DSCAML1: variants seen among roughly 807,000 people sequenced by gnomAD.
DSCAML1 encodes the protein DS cell adhesion molecule like 1, also known as cell adhesion molecule DSCAML1.
DSCAML1 carries 38 observed loss-of-function variants against 200.5 expected under a neutral mutation model. The ratio of observed to expected loss-of-function variants is 0.19; its 90% CI spans 0.15 to 0.25. The LOEUF (loss-of-function observed/expected upper bound fraction) is 0.25, where lower values mean the gene tolerates loss of function less well. DSCAML1 is among the 10% of genes least tolerant of loss of function. DSCAML1 has a pLI of 1.00. For synonymous variants in DSCAML1, 1,215 were observed against 1,165.0 expected (o/e 1.04, Z -0.87); for missense variants, 2,223 against 2,858.8 (o/e 0.78, Z 5.07).
rs546558315 is a variant in DSCAML1 at position 117,480,384 on chromosome 11, A to G, written c.2785+59T>C. ...TCTCCTCCCAGAGGGCACAGGCAGG[A>G]CACGTGGCACAAGGGGCCATGGCAG... is the stretch of plus-strand genomic sequence containing the variant. On this transcript the variant is annotated intron_variant, in intron 14 of 32. Coordinates refer to ENST00000651296, the MANE Select transcript of DSCAML1 (RefSeq NM_020693.4). The surrounding 1 kb of genome is among the most constrained non-coding windows in gnomAD (Gnocchi z 4.1). 94 of 1,603,234 alleles carry G rather than the reference A, an allele frequency of 5.9e-5. No individual in the cohort carries two copies. Among genetic ancestry groups the G allele is most frequent in the Non-Finnish European group, 7.8e-5 (92 of 1,174,754 alleles).
At chr11:117,582,658 G>C (rs2051063152) in intron 3 of DSCAML1, among the ~76,000 whole-genome samples, 1 of 152,194 alleles carries the variant, frequency 6.6e-6, no homozygotes, top group Non-Finnish European at 1.5e-5. Flanking sequence ...AGAGTGCCAG[G>C]CTGTAAGGGA....
At position 117,772,716 on chromosome 11, in the gene DSCAML1, G is replaced by T. The variant is rs148884060; in HGVS notation, c.511+4075C>A. Among the ~76,000 whole-genome samples, 4 of 152,350 alleles carry T rather than the reference G, an allele frequency of 2.6e-5. No individual in the cohort carries two copies. In the East Asian group the frequency reaches 7.7e-4, roughly 29 times the overall value. On this transcript the variant is annotated intron_variant, in intron 3 of 32. Coordinates refer to ENST00000651296, the MANE Select transcript of DSCAML1 (RefSeq NM_020693.4). ...CATGTATTGTAATGGTGATCATGCA[G>T]ATGGGAAATTAAACCACATCTCAGC...
At position 117,437,097 on chromosome 11, in the gene DSCAML1, C is replaced by T. The variant is rs745683209; in HGVS notation, c.4720+25G>A. 3.1e-6 allele frequency: 5 copies of T among 1,602,118 alleles called. No homozygotes were observed. The highest frequency in any genetic ancestry group is 2.2e-5 in the South Asian group (2 of 89,378). ...CACCACCCTGCTCCAGCCTCTGTAC[C>T]ATCCCTTCCACCCTTGCGACTCACT... On this transcript the variant is annotated intron_variant, in intron 26 of 32. Transcript: ENST00000651296. This position sits in a 1 kb window ranked among gnomAD's most constrained non-coding sequence, Gnocchi z 5.3.
At chr11:117,602,481 C>A (rs2051483913) in intron 3 of DSCAML1, among the ~76,000 whole-genome samples, 1 of 152,172 alleles carries the variant, frequency 6.6e-6, no homozygotes, top group African/African-American at 2.4e-5. Context: ...CCACCTCAGC[C>A]TCCGGAGTAG....
chr11:117,739,016 G>C (rs933876062), intron 3 of DSCAML1, among the ~76,000 whole-genome samples: 1 of 152,208 alleles, frequency 6.6e-6, no homozygotes, highest in South Asian at 2.1e-4. Flanking sequence ...AACAACACAT[G>C]TAGTTTGTAG....
rs915274989 is a variant in DSCAML1, at chr11:117,430,806, G to A, written c.5602C>T (p.Arg1868Cys). The part of the protein sequence containing the change: ...MSTPSEPGIC[R>C]FTASPPKPQD... Reference sequence around the variant, plus strand: ...GGCTTGGGTGGTGAGGCGGTAAAGCGGCAGATGCCAGGCTCTGAGGGTGTG... The same window carrying A: ...GGCTTGGGTGGTGAGGCGGTAAAGCAGCAGATGCCAGGCTCTGAGGGTGTG... The change falls in exon 32 of 33, where the codon CGC becomes TGC. Residue 1868 changes from arginine to cysteine, a missense_variant. Around this residue, in one of 7 missense-constraint regions of DSCAML1, gnomAD observed 96 missense variants for 160.7 expected, o/e 0.60. Coordinates refer to ENST00000651296, the MANE Select transcript of DSCAML1 (RefSeq NM_020693.4). The A allele has an allele frequency of 5.0e-6, 8 of 1,614,012 alleles. No individual in the cohort carries two copies. The African/African-American group carries it at 5.3e-5, about 11-fold the overall frequency.
chr11:117,693,403 G>T (rs1214832013), intron 3 of DSCAML1, among the ~76,000 whole-genome samples: 1 of 152,084 alleles, frequency 6.6e-6, no homozygotes, highest in Non-Finnish European at 1.5e-5. Flanking sequence ...TGCATTCTGT[G>T]TCATTCATCT....
chr11:117,709,301 T>C (rs1243436775), intron 3 of DSCAML1, among the ~76,000 whole-genome samples: 1 of 152,162 alleles, frequency 6.6e-6, no homozygotes, highest in Non-Finnish European at 1.5e-5. Flanking sequence ...AAGGTGCCAA[T>C]GGGGTCAGAG....
intron 3 of DSCAML1, among the ~76,000 whole-genome samples, chr11:117,554,888 T>A (rs2137400332): frequency 6.6e-6 from 1 of 152,306 alleles, no homozygotes; most frequent in Non-Finnish European, 1.5e-5. Context: ...GTGGAGGGTT[T>A]TCGTTACATA....
chr11:117,781,291 G>GAAA (rs57780075), intron 1 of DSCAML1, among the ~76,000 whole-genome samples: 1 of 118,530 alleles, frequency 8.4e-6, no homozygotes. Flanking sequence ...ACTCTGTCTC[G>GAAA]AAAAAAAAAA....
At position 117,472,051 on chromosome 11, in the gene DSCAML1, C is replaced by A. The variant is rs1429893651; in HGVS notation, c.2786-15G>T. On this transcript the variant is annotated splice_polypyrimidine_tract_variant and intron_variant, in intron 14 of 32. Transcript: ENST00000651296. ...GTCCCAGGAATCTGGAGAGAAGACA[C>A]CTATGTCAAAGCATGGCCAGGCAAA... 4 of 1,611,688 alleles carry A rather than the reference C, an allele frequency of 2.5e-6. No homozygotes were observed. The highest frequency in any genetic ancestry group is 3.4e-6 in the Non-Finnish European group (4 of 1,178,266).
At chr11:117,715,538 C>T (rs910646211) in intron 3 of DSCAML1, among the ~76,000 whole-genome samples, 18 of 152,334 alleles carry the variant, frequency 1.2e-4, no homozygotes, top group Admixed American at 7.8e-4. Flanking sequence ...AACTAGACAG[C>T]GATAGCTCTT....
chr11:117,780,477 G>A lies in DSCAML1; in HGVS notation c.364+16C>T, dbSNP rs370774640. The A allele has an allele frequency of 1.3e-5, 19 of 1,420,820 alleles. No individual in the cohort carries two copies. The highest frequency in any genetic ancestry group is 1.6e-5 in the Non-Finnish European group (17 of 1,083,138). The allele number at this position is 1,420,820 out of a possible 1,614,324, so 88.0% of individuals were successfully genotyped here. On this transcript the variant is annotated intron_variant, in intron 2 of 32. Coordinates refer to ENST00000651296, the MANE Select transcript of DSCAML1 (RefSeq NM_020693.4). This position sits in a 1 kb window ranked among gnomAD's most constrained non-coding sequence, Gnocchi z 4.8. The stretch of plus-strand genomic sequence containing the variant: ...TCCTCCTGTGCCACTGGGGCAGCCA[G>A]TGTCTTGTCCCTTACCTGCTTTGAC...
intron 3 of DSCAML1, among the ~76,000 whole-genome samples, chr11:117,594,910 ATTTTCAT>A (rs1270508898): frequency 6.6e-6 from 1 of 151,894 alleles, no homozygotes; most frequent in Non-Finnish European, 1.5e-5. Flanking sequence ...CTGTGGTGGG[ATTTTCAT>A]TCCTCATTGT....
chr11:117,577,890 C>T (rs2050975367), intron 3 of DSCAML1, among the ~76,000 whole-genome samples: 1 of 151,318 alleles, frequency 6.6e-6, no homozygotes, highest in African/African-American at 2.4e-5. Flanking sequence ...TGTTATCCTA[C>T]CTGGTCCACC....
chr11:117,558,796 G>A lies in DSCAML1; in HGVS notation c.512-26274C>T, dbSNP rs369026005. Among the ~76,000 whole-genome samples, 42 of 152,310 alleles carry A rather than the reference G, an allele frequency of 2.8e-4. No homozygotes were observed. In the Middle Eastern group the frequency reaches 0.01, roughly 37 times the overall value. Reference sequence around the variant, plus strand: ...AAGGGTCATAATAGATCAAGTAAGCGTGAGGAAGGTGACTGGGGGCTACAT... The same window carrying A: ...AAGGGTCATAATAGATCAAGTAAGCATGAGGAAGGTGACTGGGGGCTACAT... On this transcript the variant is annotated intron_variant, in intron 3 of 32. Transcript: ENST00000651296.
At chr11:117,547,744 C>T (rs1162479682) in intron 3 of DSCAML1, among the ~76,000 whole-genome samples, 1 of 152,212 alleles carries the variant, frequency 6.6e-6, no homozygotes, top group Non-Finnish European at 1.5e-5. Context: ...TATAGCCAGA[C>T]AGACTCACTT....
At chr11:117,570,784 G>A (rs1219030836) in intron 3 of DSCAML1, among the ~76,000 whole-genome samples, 1 of 152,204 alleles carries the variant, frequency 6.6e-6, no homozygotes, top group Non-Finnish European at 1.5e-5. Context: ...GGCCACTGAG[G>A]GTCATGACCC....
chr11:117,546,058 C>A lies in DSCAML1; in HGVS notation c.512-13536G>T, dbSNP rs142362796. ...ACGCAGAGCCAGAAGCTTTGGCCTG[C>A]CCGTCAGTGCTGAAGTGGTGTCACC... On this transcript the variant is annotated intron_variant, in intron 3 of 32. Coordinates refer to ENST00000651296, the MANE Select transcript of DSCAML1 (RefSeq NM_020693.4). 2.0e-5 allele frequency among the ~76,000 whole-genome samples: 3 copies of A among 152,364 alleles called. No homozygotes were observed. The East Asian group carries it at 5.8e-4, about 29-fold the overall frequency.
Sources: gnomAD v4.1 joint callset for allele counts (sites outside exome capture counted in the v4.1 genomes callset) on GRCh38, gnomAD v4.1.1 for gene constraint, gnomAD v4.1.1 regional missense constraint, Gnocchi (gnomAD v3.1) non-coding constraint, MANE v1.5 for transcripts, NCBI Gene and HGNC (gene_info 2026-07-23, HGNC 2026-07-21) for gene names.